The following MYO3A variants were observed in gnomAD, a reference collection of about 807,000 sequenced individuals.
MYO3A encodes the protein myosin IIIA.
A neutral mutation model predicts 192.7 loss-of-function variants in MYO3A; 180 were observed. The observed-to-expected ratio is 0.93, with a 90% CI of 0.83 to 1.06. MYO3A has a LOEUF of 1.06. MYO3A is among the 50% of genes least tolerant of loss of function. MYO3A has a pLI of 0.00. For missense variants in MYO3A, 1,896 were observed against 1,905.0 expected, an observed-to-expected ratio of 1.00 and a Z score of 0.09; for synonymous variants, 628 against 645.3, an observed-to-expected ratio of 0.97 and a Z score of 0.41.
intron 2 of MYO3A, among the ~76,000 whole-genome samples, chr10:25,950,556 C>T (rs939689123): frequency 6.6e-6 from 1 of 152,184 alleles, no homozygotes; most frequent in South Asian, 2.1e-4. Context: ...ATGGTTTTCT[C>T]AGTTATGGGC....
At position 26,096,369 on chromosome 10, in the gene MYO3A, C is replaced by G; in HGVS notation, c.1563-12C>G. 4 of 1,557,376 alleles carry G rather than the reference C, an allele frequency of 2.6e-6. No homozygotes were observed. Among genetic ancestry groups the G allele is most frequent in the Non-Finnish European group, 3.5e-6 (4 of 1,131,024 alleles). ...TTACTAACTACCTTACTGTAAATATCTTTTTTTCCAGTGGAGAAAAAAATT... is the reference window on the plus strand; with the variant it reads ...TTACTAACTACCTTACTGTAAATATGTTTTTTTCCAGTGGAGAAAAAAATT... On this transcript the variant is annotated splice_polypyrimidine_tract_variant and intron_variant, in intron 15 of 34. Transcript: ENST00000642920.
intron 4 of MYO3A, 24 bp downstream of exon 4, chr10:25,955,032 A>G (rs758667494): frequency 1.9e-6 from 3 of 1,611,292 alleles, no homozygotes; most frequent in South Asian, 2.2e-5. Flanking sequence ...CATCATTTGT[A>G]TGGGTGGAAA....
intron 10 of MYO3A, among the ~76,000 whole-genome samples, chr10:26,028,554 T>G (rs1842665002): frequency 6.6e-6 from 1 of 152,228 alleles, no homozygotes; most frequent in African/African-American, 2.4e-5. Context: ...AACCTCATTC[T>G]TCCCGAAACA....
intron 4 of MYO3A, among the ~76,000 whole-genome samples, chr10:25,986,808 A>G (rs559770466): frequency 5.4e-4 from 83 of 152,312 alleles, no homozygotes; most frequent in African/African-American, 1.8e-3. Flanking sequence ...TACAAATTCA[A>G]TGCAATTTCC....
intron 21 of MYO3A, among the ~76,000 whole-genome samples, chr10:26,145,009 C>A (rs1840368003): frequency 6.6e-6 from 1 of 152,058 alleles, no homozygotes; most frequent in Non-Finnish European, 1.5e-5. Flanking sequence ...AACCCTGTCT[C>A]TACTTTAAAA....
chr10:25,937,266 C>T (rs900228507), intron 2 of MYO3A, among the ~76,000 whole-genome samples: 3 of 152,218 alleles, frequency 2.0e-5, no homozygotes, highest in Non-Finnish European at 4.4e-5. Context: ...CACATTGCTG[C>T]CATCCTCTGC....
chr10:26,113,299 G>A (rs1412641989), intron 17 of MYO3A, among the ~76,000 whole-genome samples: 5 of 151,776 alleles, frequency 3.3e-5, no homozygotes, highest in East Asian at 1.9e-4. Flanking sequence ...GTGAAACCCC[G>A]TCTCTTTTAA....
chr10:26,105,495 TTTACTC>T (rs1837740524), intron 17 of MYO3A, among the ~76,000 whole-genome samples: 1 of 152,282 alleles, frequency 6.6e-6, no homozygotes, highest in Admixed American at 6.5e-5. Flanking sequence ...GCTGCTTAGA[TTTACTC>T]TTATGAATTG....
intron 17 of MYO3A, among the ~76,000 whole-genome samples, chr10:26,104,371 A>T (rs1837660151): frequency 6.6e-6 from 1 of 152,112 alleles, no homozygotes; most frequent in Non-Finnish European, 1.5e-5. Flanking sequence ...TTTTGTGCAT[A>T]TTGTGAAGTA....
chr10:25,948,179 G>A (rs1332072360), intron 2 of MYO3A, among the ~76,000 whole-genome samples: 1 of 152,140 alleles, frequency 6.6e-6, no homozygotes, highest in African/African-American at 2.4e-5. Flanking sequence ...TAACCCAATG[G>A]GAAACCAGCC....
Position 26,070,355 on chromosome 10 carries a change from C to T in MYO3A, c.1313C>T (p.Thr438Ile), listed in dbSNP as rs1835133368. Residue 438 changes from threonine to isoleucine, a missense_variant, in exon 14 of 35, where the codon ACT becomes ATT. Thr to Ile is a moderately conservative substitution (Grantham distance 89). Coordinates refer to ENST00000642920, the MANE Select transcript of MYO3A (RefSeq NM_017433.5). ...TCTGGAGAAAGTGGTGCTGGAAAGA[C>T]TGAAAATGCTCATCTTTTAGTTCAG... The part of the protein sequence containing the change: ...VISGESGAGK[T>I]ENAHLLVQQL... 6.2e-7 allele frequency: 1 copy of T among 1,613,156 alleles called. No individual in the cohort carries two copies. The highest frequency in any genetic ancestry group is 1.3e-5 in the African/African-American group (1 of 74,890).
chr10:26,045,297 C>G (rs1255501770), intron 10 of MYO3A, among the ~76,000 whole-genome samples: 2 of 152,132 alleles, frequency 1.3e-5, no homozygotes, highest in East Asian at 3.9e-4. Flanking sequence ...CATGTGATAA[C>G]AATCAGCCTG....
chr10:26,193,371 A>G (rs1410267249), intron 32 of MYO3A, 60 bp downstream of exon 32: 12 of 1,366,452 alleles, frequency 8.8e-6, no homozygotes, highest in Non-Finnish European at 1.2e-5. Flanking sequence ...GGCCAGTGTG[A>G]AAACTGTGGC....
intron 30 of MYO3A, among the ~76,000 whole-genome samples, chr10:26,174,787 T>C (rs1842236823): frequency 6.6e-6 from 1 of 152,162 alleles, no homozygotes; most frequent in African/African-American, 2.4e-5. Flanking sequence ...CATGTAGTCG[T>C]GATACTAGAG....
intron 10 of MYO3A, among the ~76,000 whole-genome samples, chr10:26,063,861 A>G (rs1252514543): frequency 6.6e-6 from 1 of 152,236 alleles, no homozygotes; most frequent in East Asian, 1.9e-4. Context: ...TGGCAAATAC[A>G]CTGGAAAGAC....
chr10:26,099,484 G>A (rs181120933), intron 17 of MYO3A, among the ~76,000 whole-genome samples: 1 of 152,162 alleles, frequency 6.6e-6, no homozygotes, highest in East Asian at 1.9e-4. Context: ...TCCCTGTCTT[G>A]TGCCAGTTTT....
chr10:26,043,277 G>GT (rs913154791), intron 10 of MYO3A, among the ~76,000 whole-genome samples: 3 of 152,074 alleles, frequency 2.0e-5, no homozygotes, highest in African/African-American at 7.2e-5. Flanking sequence ...GCATAGCACT[G>GT]TGTCTTGCCC....
At chr10:26,006,559 A>G (rs1282968913) in intron 6 of MYO3A, among the ~76,000 whole-genome samples, 1 of 152,224 alleles carries the variant, frequency 6.6e-6, no homozygotes, top group Non-Finnish European at 1.5e-5. Flanking sequence ...ATCACCACCA[A>G]TCCCACAGAA....
At chr10:26,108,387 A>G (rs555537739) in intron 17 of MYO3A, among the ~76,000 whole-genome samples, 10 of 152,362 alleles carry the variant, frequency 6.6e-5, no homozygotes, top group African/African-American at 2.4e-4. Flanking sequence ...AGCTTAAGCT[A>G]AAACAAACAA....
Sources: allele counts gnomAD v4.1 joint callset (sites outside exome capture counted in the v4.1 genomes callset), GRCh38; gene constraint gnomAD v4.1.1; transcripts MANE v1.5; gene names NCBI Gene and HGNC (gene_info 2026-07-23, HGNC 2026-07-21).